The following TOGARAM1 variants were observed in gnomAD, a reference collection of about 807,000 sequenced individuals.
TOGARAM1 encodes TOG array regulator of axonemal microtubules 1.
In TOGARAM1, 100 loss-of-function variants were observed where a neutral mutation model predicts 166.6. The observed-to-expected ratio is 0.60, with a 90% CI of 0.51 to 0.71. TOGARAM1 has a LOEUF of 0.71. TOGARAM1 is among the 30% of genes least tolerant of loss of function. The pLI is 0.00. For synonymous variants in TOGARAM1, 758 were observed against 763.8 expected (o/e 0.99, Z 0.13); for missense variants, 2,029 against 2,102.7 (o/e 0.96, Z 0.69).
intron 17 of TOGARAM1, among the ~76,000 whole-genome samples, chr14:45,067,110 C>G (rs561282577): frequency 4.3e-4 from 66 of 151,976 alleles, no homozygotes; most frequent in African/African-American, 1.5e-3. Context: ...ATATAATTCT[C>G]AAGTGTGAAA....
intron 15 of TOGARAM1, among the ~76,000 whole-genome samples, chr14:45,054,079 C>T (rs1461286808): frequency 6.6e-6 from 1 of 151,986 alleles, no homozygotes; most frequent in Non-Finnish European, 1.5e-5. Context: ...CCATGTTGGC[C>T]AGGCTGGTAT....
intron 10 of TOGARAM1, among the ~76,000 whole-genome samples, chr14:45,031,304 C>T (rs1314397280): frequency 6.6e-6 from 1 of 152,180 alleles, no homozygotes; most frequent in Non-Finnish European, 1.5e-5. Context: ...ACGTGTCTCG[C>T]ATTATATAGT....
intron 11 of TOGARAM1, among the ~76,000 whole-genome samples, chr14:45,040,452 A>G (rs1480189682): frequency 2.6e-5 from 4 of 152,200 alleles, no homozygotes; most frequent in African/African-American, 7.2e-5. Flanking sequence ...ATAAAGATCC[A>G]TATGGAAATC....
intron 10 of TOGARAM1, among the ~76,000 whole-genome samples, chr14:45,029,709 A>C (rs1471833604): frequency 6.6e-6 from 1 of 152,236 alleles, no homozygotes. Flanking sequence ...GATAACATAC[A>C]TACAGACAAT....
intron 1 of TOGARAM1, among the ~76,000 whole-genome samples, chr14:44,990,680 A>G (rs1482103682): frequency 1.3e-5 from 2 of 152,208 alleles, no homozygotes; most frequent in Non-Finnish European, 2.9e-5. Context: ...AACAAACTGC[A>G]CACAAAATAG....
Position 45,028,226 on chromosome 14 carries a change from A to C in TOGARAM1, c.3555A>C (p.Arg1185Ser). The C allele has an allele frequency of 6.3e-7, 1 of 1,597,524 alleles. No homozygotes were observed. The change falls in exon 10 of 20, where the codon AGA becomes AGC. Residue 1185 changes from arginine (R) to serine (S), a missense_variant. Arg to Ser is a moderately radical substitution (Grantham distance 110, BLOSUM62 -1). Around this residue, in one of 2 missense-constraint regions of TOGARAM1, gnomAD observed 1,453 missense variants for 1,432.2 expected, o/e 1.01. Coordinates refer to ENST00000361462, the MANE Select transcript of TOGARAM1 (RefSeq NM_001308120.2). ...KSTYNKMRQKRKEEKELFHNK... is the reference protein window; with the variant it reads ...KSTYNKMRQKSKEEKELFHNK... Reference sequence around the variant, plus strand: ...CTTATAACAAGATGAGACAAAAGAGAAAAGAAGAGAAAGAACTGTTTCACA... The same window carrying C: ...CTTATAACAAGATGAGACAAAAGAGCAAAGAAGAGAAAGAACTGTTTCACA...
chr14:44,988,858 G>T (rs1286655091), intron 1 of TOGARAM1, among the ~76,000 whole-genome samples: 6 of 152,250 alleles, frequency 3.9e-5, no homozygotes, highest in African/African-American at 1.4e-4. Context: ...CAAATGGCAA[G>T]GAACAGAGGC....
At chr14:45,071,432 C>A (rs973322138) in intron 18 of TOGARAM1, among the ~76,000 whole-genome samples, 1 of 152,002 alleles carries the variant, frequency 6.6e-6, no homozygotes, top group African/African-American at 2.4e-5. Context: ...CACTCTCACC[C>A]AGGTTGGGGT....
chr14:44,991,837 T>G (rs1887151514), intron 1 of TOGARAM1, among the ~76,000 whole-genome samples: 1 of 152,034 alleles, frequency 6.6e-6, no homozygotes, highest in Admixed American at 6.6e-5. Flanking sequence ...AAGAATAATT[T>G]AAGTTTATAT....
At position 45,009,126 on chromosome 14, in the gene TOGARAM1, C is replaced by A; in HGVS notation, c.3118C>A (p.Pro1040Thr). Reference sequence around the variant, plus strand: ...ATTGACTTCTTCTCTGTCTACAACTCCCCAGGGGAAGAGAATAATGTATTT... The same window carrying A: ...ATTGACTTCTTCTCTGTCTACAACTACCCAGGGGAAGAGAATAATGTATTT... ...ESLTSSLSTT[P>T]QGKRIMSDIF... Residue 1040 changes from proline to threonine, a missense_variant, in exon 6 of 20, where the codon CCC (proline) becomes ACC (threonine). Physicochemically the swap from Pro to Thr is conservative, Grantham distance 38 (BLOSUM62 -1). Coordinates refer to ENST00000361462, the MANE Select transcript of TOGARAM1 (RefSeq NM_001308120.2). 6.2e-7 allele frequency: 1 copy of A among 1,611,782 alleles called. No individual in the cohort carries two copies. The highest frequency in any genetic ancestry group is 8.5e-7 in the Non-Finnish European group (1 of 1,178,256).
At chr14:44,984,627 T>C (rs1886692233) in intron 1 of TOGARAM1, among the ~76,000 whole-genome samples, 1 of 151,106 alleles carries the variant, frequency 6.6e-6, no homozygotes, top group African/African-American at 2.4e-5. Context: ...GCAAATAAAT[T>C]AGCTGGGCGT....
chr14:44,989,965 C>G (rs1342908441), intron 1 of TOGARAM1, among the ~76,000 whole-genome samples: 1 of 152,164 alleles, frequency 6.6e-6, no homozygotes, highest in Admixed American at 6.5e-5. Context: ...GAAAGAGGAA[C>G]TGTCAGACAC....
In TOGARAM1 at chr14:45,046,536, T is replaced by C; in HGVS notation, c.4155-9T>C. 7.8e-7 allele frequency: 1 copy of C among 1,282,306 alleles called. No individual in the cohort carries two copies. The highest frequency in any genetic ancestry group is 1.0e-6 in the Non-Finnish European group (1 of 1,004,494). 79.4% of individuals were successfully genotyped at this position (1,282,306 alleles called of 1,614,324 possible). ...CAACTCTGTTTTAATTGATCATGTCTCCTTGTAGCCATTTACACATTGCTG... is the reference window on the plus strand; with the variant it reads ...CAACTCTGTTTTAATTGATCATGTCCCCTTGTAGCCATTTACACATTGCTG... On this transcript the variant is annotated splice_polypyrimidine_tract_variant and intron_variant, in intron 13 of 19. Coordinates refer to ENST00000361462, the MANE Select transcript of TOGARAM1 (RefSeq NM_001308120.2).
chr14:45,005,883 C>A, intron 4 of TOGARAM1, 125 bp from the exon 5 acceptor site: 1 of 685,034 alleles, frequency 1.5e-6, no homozygotes, highest in South Asian at 3.0e-5. Context: ...AGCTTGTTCT[C>A]CCCAGTGACC....
At chr14:45,050,109 A>C (rs1882289684) in intron 14 of TOGARAM1, among the ~76,000 whole-genome samples, 1 of 152,132 alleles carries the variant, frequency 6.6e-6, no homozygotes, top group Non-Finnish European at 1.5e-5. Context: ...AAACATTAGA[A>C]TTGCCCTTGG....
intron 17 of TOGARAM1, among the ~76,000 whole-genome samples, chr14:45,067,924 G>C (rs1474147491): frequency 2.6e-5 from 4 of 151,988 alleles, no homozygotes; most frequent in African/African-American, 9.7e-5. Flanking sequence ...AAGTTTTCAG[G>C]TTAAGAGATA....
rs1885260138 is a variant in TOGARAM1, at chr14:44,962,886, C to T, written c.465C>T (p.Cys155=). The T allele has an allele frequency of 7.4e-6, 12 of 1,614,042 alleles. No individual in the cohort carries two copies. Among genetic ancestry groups the T allele is most frequent in the Non-Finnish European group, 1.0e-5 (12 of 1,180,044 alleles). The part of the protein sequence containing the change: ...VEGGSDEKRL[C]LQLLSDVLRG... ...GAGGTAGTGATGAGAAGCGGCTCTG[C>T]TTGCAACTTCTCTCGGACGTTCTCC... Residue 155 remains cysteine (C), a synonymous_variant, in exon 1 of 20, where the codon TGC becomes TGT. Transcript: ENST00000361462.
chr14:45,054,383 C>T, intron 15 of TOGARAM1, 48 bp from the exon 16 acceptor site: 1 of 1,148,866 alleles, frequency 8.7e-7, no homozygotes, highest in Non-Finnish European at 1.3e-6. Flanking sequence ...AATTATTTCA[C>T]TACTAGTTTT....
intron 1 of TOGARAM1, among the ~76,000 whole-genome samples, chr14:44,983,802 A>C (rs2138765164): frequency 6.6e-6 from 1 of 152,316 alleles, no homozygotes; most frequent in South Asian, 2.1e-4. Flanking sequence ...GTGATGCATG[A>C]AGAGTTTTAA....
Sources: gnomAD v4.1 joint callset for allele counts (sites outside exome capture counted in the v4.1 genomes callset) on GRCh38, gnomAD v4.1.1 for gene constraint, gnomAD v4.1.1 regional missense constraint, MANE v1.5 for transcripts, NCBI Gene and HGNC (gene_info 2026-07-23, HGNC 2026-07-21) for gene names.